SNX29: variants seen among roughly 807,000 people sequenced by gnomAD.
SNX29 encodes sorting nexin-29.
A neutral mutation model predicts 102.1 loss-of-function variants in SNX29; 78 were observed. The ratio of observed to expected loss-of-function variants is 0.76; its 90% confidence interval spans 0.64 to 0.92. The LOEUF (loss-of-function observed/expected upper bound fraction) is 0.92. SNX29 is among the 40% of genes least tolerant of loss of function. The probability of loss-of-function intolerance (pLI) is 0.00; values close to 1 mark genes in which losing one functional copy is unlikely to be tolerated. For synonymous variants in SNX29, 580 were observed against 414.5 expected (o/e 1.40, Z -4.85); for missense variants, 1,280 against 1,061.7 (o/e 1.21, Z -2.86).
At chr16:12,480,329 C>T (rs74921480) in intron 19 of SNX29, among the ~76,000 whole-genome samples, 3 of 152,134 alleles carry the variant, frequency 2.0e-5, no homozygotes, top group African/African-American at 7.2e-5. Context: ...CTCAAGGCCA[C>T]CCTCATTTTT....
chr16:12,390,176 G>GTT (rs1555526517), intron 16 of SNX29, among the ~76,000 whole-genome samples: 2 of 151,734 alleles, frequency 1.3e-5, no homozygotes, highest in East Asian at 3.9e-4. Flanking sequence ...GTGTGTGTGT[G>GTT]TGTGTATGTA....
At chr16:12,194,449 C>T (rs767902417) in intron 13 of SNX29, among the ~76,000 whole-genome samples, 5 of 152,068 alleles carry the variant, frequency 3.3e-5, no homozygotes, top group Admixed American at 3.3e-4. Context: ...GTCCTTCCTT[C>T]CTAACCTGTA....
In SNX29 at chr16:12,408,164, AC is replaced by A. The variant is rs1377114110; in HGVS notation, c.2037+4636del. 5.2e-4 allele frequency among the ~76,000 whole-genome samples: 78 copies of A among 149,972 alleles called. 1 individual carries two copies. Among genetic ancestry groups the A allele is most frequent in the African/African-American group, 1.6e-3 (66 of 40,280 alleles). On this transcript the variant is annotated intron_variant, in intron 18 of 20. Transcript: ENST00000566228. ...GCAGAGCAGGACCCTTCTCAAAAAA[AC>A]AAACAAACAAACAAAAAAAAAACTA...
intron 13 of SNX29, among the ~76,000 whole-genome samples, chr16:12,159,511 A>G (rs1382295864): frequency 6.6e-6 from 1 of 152,192 alleles, no homozygotes; most frequent in Non-Finnish European, 1.5e-5. Context: ...TGTAGGTTCC[A>G]TGGACCACAT....
At chr16:12,043,368 T>G (rs1399916526) in intron 5 of SNX29, among the ~76,000 whole-genome samples, 1 of 152,072 alleles carries the variant, frequency 6.6e-6, no homozygotes, top group African/African-American at 2.4e-5. Flanking sequence ...TTTTTTTTTT[T>G]TTTAAAGACA....
At chr16:12,097,264 A>C (rs1596870935) in intron 11 of SNX29, among the ~76,000 whole-genome samples, 1 of 152,234 alleles carries the variant, frequency 6.6e-6, no homozygotes, top group Non-Finnish European at 1.5e-5. Context: ...GCTTAGCGGT[A>C]GATAAACCTA....
chr16:12,442,679 C>T (rs2085863165), intron 18 of SNX29, among the ~76,000 whole-genome samples: 1 of 151,920 alleles, frequency 6.6e-6, no homozygotes, highest in South Asian at 2.1e-4. Context: ...TAGCTGCTAC[C>T]ACCTGGACTC....
intron 13 of SNX29, among the ~76,000 whole-genome samples, chr16:12,187,502 C>A (rs767045639): frequency 1.9e-4 from 29 of 151,312 alleles, no homozygotes; most frequent in Non-Finnish European, 3.2e-4. Context: ...GAGCCGAGAT[C>A]ATGCCACTGC....
chr16:12,571,585 T>TG lies in SNX29; in HGVS notation c.*2957dup. Reference sequence around the variant, plus strand: ...GAATCCTTCTGTCTTCATGGCCTGCTGTGCTGAAACAGAACAGCAGGTTCC... The same window carrying TG: ...GAATCCTTCTGTCTTCATGGCCTGCTGGTGCTGAAACAGAACAGCAGGTTCC... On this transcript the variant is annotated 3_prime_UTR_variant, in exon 21 of 21. Coordinates refer to ENST00000566228, the MANE Select transcript of SNX29 (RefSeq NM_032167.5). 3 of 1,052,880 alleles carry TG rather than the reference T, an allele frequency of 2.8e-6. No homozygotes were observed. Among genetic ancestry groups the TG allele is most frequent in the Non-Finnish European group, 3.5e-6 (3 of 868,888 alleles). 65.2% of individuals were successfully genotyped at this position (1,052,880 alleles called of 1,614,324 possible).
At chr16:12,252,426 C>G (rs2078448848) in intron 14 of SNX29, among the ~76,000 whole-genome samples, 1 of 152,250 alleles carries the variant, frequency 6.6e-6, no homozygotes, top group Non-Finnish European at 1.5e-5. Flanking sequence ...CTTGACCTTT[C>G]AGGAATTCAG....
intron 3 of SNX29, among the ~76,000 whole-genome samples, chr16:12,024,849 C>A (rs1217072611): frequency 1.3e-5 from 2 of 152,216 alleles, no homozygotes; most frequent in Non-Finnish European, 2.9e-5. Flanking sequence ...TTACAGAGAA[C>A]TCTCAACATA....
At chr16:12,129,809 A>C in intron 13 of SNX29, 51 bp downstream of exon 13, 1 of 1,534,268 alleles carries the variant, frequency 6.5e-7, no homozygotes. Context: ...CTTCATTAAA[A>C]CCTGAGCATA....
At chr16:12,317,746 A>C (rs2080796596) in intron 15 of SNX29, among the ~76,000 whole-genome samples, 2 of 152,272 alleles carry the variant, frequency 1.3e-5, no homozygotes, top group Non-Finnish European at 2.9e-5. Flanking sequence ...AAAATGAATT[A>C]AATGAACATT....
chr16:12,477,923 C>T, intron 19 of SNX29, 64 bp downstream of exon 19: 1 of 1,497,226 alleles, frequency 6.7e-7, no homozygotes, highest in Non-Finnish European at 8.9e-7. Context: ...ATTTATTCTT[C>T]TTCTTTAGTC....
At chr16:12,563,985 C>A (rs575126041) in intron 20 of SNX29, among the ~76,000 whole-genome samples, 1 of 141,092 alleles carries the variant, frequency 7.1e-6, no homozygotes, top group African/African-American at 2.8e-5. Context: ...AAGGTTCCCT[C>A]TGCCCCTGCA....
intron 14 of SNX29, among the ~76,000 whole-genome samples, chr16:12,211,794 G>C (rs1306808260): frequency 6.6e-6 from 1 of 152,076 alleles, no homozygotes; most frequent in East Asian, 1.9e-4. Flanking sequence ...TCTTCTTAAA[G>C]CCTTCAGCTG....
chr16:12,528,577 A>G (rs1270465944), intron 20 of SNX29, among the ~76,000 whole-genome samples: 1 of 152,052 alleles, frequency 6.6e-6, no homozygotes, highest in Non-Finnish European at 1.5e-5. Flanking sequence ...CCCCGTGTCC[A>G]CTGAACCCCC....
chr16:12,350,519 G>A (rs945332937), intron 15 of SNX29, among the ~76,000 whole-genome samples: 2 of 152,184 alleles, frequency 1.3e-5, no homozygotes, highest in African/African-American at 2.4e-5. Flanking sequence ...AGGGATGACT[G>A]TACCGCCATC....
intron 4 of SNX29, among the ~76,000 whole-genome samples, chr16:12,032,356 T>C (rs2057369272): frequency 6.6e-6 from 1 of 151,936 alleles, no homozygotes; most frequent in Non-Finnish European, 1.5e-5. Context: ...TATAGGCACA[T>C]GCCACCATGC....
Sources: gnomAD v4.1 joint callset for allele counts (sites outside exome capture counted in the v4.1 genomes callset) on GRCh38, gnomAD v4.1.1 for gene constraint, MANE v1.5 for transcripts, NCBI Gene and HGNC (gene_info 2026-07-23, HGNC 2026-07-21) for gene names.